BCAS3: variants seen among roughly 807,000 people sequenced by gnomAD.
BCAS3 encodes BCAS3 microtubule associated cell migration factor.
A neutral mutation model predicts 116.1 loss-of-function variants in BCAS3; 53 were observed. The observed-to-expected ratio is 0.46, with a 90% CI of 0.37 to 0.57. The LOEUF is 0.57. Among genes scored for constraint, BCAS3 ranks in the 20% least tolerant of loss-of-function variants. BCAS3 has a pLI of 0.00. For synonymous variants in BCAS3, 391 were observed against 408.2 expected, an observed-to-expected ratio of 0.96 and a Z score of 0.51; for missense variants, 917 against 1,165.4, an observed-to-expected ratio of 0.79 and a Z score of 3.10.
intron 16 of BCAS3, 100 bp downstream of exon 16, chr17:61,016,001 T>A (rs1306098085): frequency 7.9e-7 from 1 of 1,270,262 alleles, no homozygotes; most frequent in Non-Finnish European, 1.1e-6. Context: ...TATTATGTTC[T>A]TCATTTCCAG....
intron 14 of BCAS3, among the ~76,000 whole-genome samples, chr17:60,984,941 CAG>C (rs2063034859): frequency 7.3e-6 from 1 of 136,378 alleles, no homozygotes; most frequent in African/African-American, 2.8e-5. Flanking sequence ...ACCCAGGAGA[CAG>C]AGGTTGCAGT....
intron 10 of BCAS3, among the ~76,000 whole-genome samples, chr17:60,892,311 TA>T (rs541698957): frequency 6.5e-4 from 96 of 148,822 alleles, no homozygotes; most frequent in Admixed American, 3.7e-3. Flanking sequence ...GTTTTTGACT[TA>T]TTTTTTTTTT....
Position 60,910,667 on chromosome 17 carries a change from A to G in BCAS3, c.958A>G (p.Thr320Ala), listed in dbSNP as rs372546756. 1.9e-6 allele frequency: 3 copies of G among 1,610,726 alleles called. No individual in the cohort carries two copies. The highest frequency in any genetic ancestry group is 1.7e-6 in the Non-Finnish European group (2 of 1,178,488). The change falls in exon 12 of 24, where the codon ACA (threonine) becomes GCA (alanine). Residue 320 changes from threonine to alanine, a missense_variant. Physicochemically the swap from Thr to Ala is moderately conservative, Grantham distance 58. Around this residue, in one of 3 missense-constraint regions of BCAS3, gnomAD observed 807 missense variants for 1,026.0 expected, o/e 0.79. Coordinates refer to ENST00000407086, the MANE Select transcript of BCAS3 (RefSeq NM_017679.5). ...GAGTCCTTTGGTCCCAGGCATCATCACAGTTATTGACACCGAAACCGTTGG... is the reference window on the plus strand; with the variant it reads ...GAGTCCTTTGGTCCCAGGCATCATCGCAGTTATTGACACCGAAACCGTTGG... ...RRSPLVPGII[T>A]VIDTETVGEG...
At chr17:60,977,306 A>G (rs562120335) in intron 14 of BCAS3, among the ~76,000 whole-genome samples, 37 of 152,040 alleles carry the variant, frequency 2.4e-4, no homozygotes, top group Non-Finnish European at 4.3e-4. Context: ...CAGCCTCCCA[A>G]GTGATTGGGA....
rs1338445046 is a variant in BCAS3 at position 61,363,382 on chromosome 17, T to C, written c.2426-4945T>C. On this transcript the variant is annotated intron_variant, in intron 22 of 23. Transcript: ENST00000407086. This position sits in a 1 kb window ranked among gnomAD's most constrained non-coding sequence, Gnocchi z 4.9. ...ACTTGAACTCATTCTTAGAAAATAG[T>C]ATTCAGGGCAGGAGGCAGCCCTGAA... Among the ~76,000 whole-genome samples, 1 of 152,106 alleles carries C rather than the reference T, an allele frequency of 6.6e-6. No homozygotes were observed. Among genetic ancestry groups the C allele is most frequent in the African/African-American group, 2.4e-5 (1 of 41,412 alleles).
chr17:61,092,359 A>G (rs976330370), intron 22 of BCAS3, among the ~76,000 whole-genome samples: 3 of 152,164 alleles, frequency 2.0e-5, no homozygotes, highest in Non-Finnish European at 4.4e-5. Context: ...TCTCGTCAAC[A>G]TATGCATACA....
chr17:61,308,445 G>A (rs2054029349), intron 22 of BCAS3, among the ~76,000 whole-genome samples: 1 of 150,430 alleles, frequency 6.6e-6, no homozygotes, highest in South Asian at 2.1e-4. Context: ...TGGGTCTTGG[G>A]TCAAAGGAGG....
Position 61,392,236 on chromosome 17 carries a change from C to T in BCAS3, c.*111C>T, listed in dbSNP as rs1312612723. On this transcript the variant is annotated 3_prime_UTR_variant, in exon 24 of 24. Transcript: ENST00000407086. This position sits in a 1 kb window ranked among gnomAD's most constrained non-coding sequence, Gnocchi z 6.4. ...CTGCTCTTCCTTCATCAACCACCTT[C>T]CCCAAGCTTAGTGACAGCAGCCGCC... 1 of 1,333,974 alleles carries T rather than the reference C, an allele frequency of 7.5e-7. No individual in the cohort carries two copies. Among genetic ancestry groups the T allele is most frequent in the African/African-American group, 1.5e-5 (1 of 68,176 alleles). 82.6% of individuals were successfully genotyped at this position (1,333,974 alleles called of 1,614,324 possible). A position where few individuals can be genotyped will look rare whatever the true frequency, so the allele number is the denominator to read the frequency against.
rs950070072 is a variant in BCAS3 at position 61,258,340 on chromosome 17, A to T, written c.2426-109987A>T. ...AGGGGTTGTTACTTCGTGCCTTTAG[A>T]TATCCACCATAATGTGTAGCGTAGT... On this transcript the variant is annotated intron_variant, in intron 22 of 23. Transcript: ENST00000407086. The surrounding 1 kb of genome is among the most constrained non-coding windows in gnomAD (Gnocchi z 4.7). 6.6e-6 allele frequency among the ~76,000 whole-genome samples: 1 copy of T among 152,200 alleles called. No homozygotes were observed. The highest frequency in any genetic ancestry group is 2.4e-5 in the African/African-American group (1 of 41,444).
chr17:61,068,641 C>T lies in BCAS3; in HGVS notation c.2030-6279C>T, dbSNP rs2070985301. 6.6e-6 allele frequency among the ~76,000 whole-genome samples: 1 copy of T among 152,330 alleles called. No individual in the cohort carries two copies. The highest frequency in any genetic ancestry group is 1.9e-4 in the East Asian group (1 of 5,190). On this transcript the variant is annotated intron_variant, in intron 19 of 23. Coordinates refer to ENST00000407086, the MANE Select transcript of BCAS3 (RefSeq NM_017679.5). This position sits in a 1 kb window ranked among gnomAD's most constrained non-coding sequence, Gnocchi z 4.3. The stretch of plus-strand genomic sequence containing the variant: ...TTGTACCATGTGGGATCTCTTGCCA[C>T]TTCCCTTAACTCTGCCCAAGATTGA...
At chr17:61,389,604 G>T (rs1489858692) in intron 23 of BCAS3, 1 of 152,378 alleles carries the variant, frequency 6.6e-6, no homozygotes, top group Non-Finnish European at 1.5e-5. Flanking sequence ...CAGAGCCTTG[G>T]TTACCTTACC....
At chr17:61,295,315 A>G (rs2052786770) in intron 22 of BCAS3, among the ~76,000 whole-genome samples, 1 of 152,210 alleles carries the variant, frequency 6.6e-6, no homozygotes, top group Non-Finnish European at 1.5e-5. Context: ...GTTTATAAGG[A>G]GCAGGTGATA....
intron 22 of BCAS3, among the ~76,000 whole-genome samples, chr17:61,257,265 C>CA (rs1371762393): frequency 2.0e-5 from 3 of 151,966 alleles, no homozygotes; most frequent in Non-Finnish European, 4.4e-5. Context: ...ACTAATAATA[C>CA]AAAAATTAGC....
chr17:60,689,758 A>C lies in BCAS3; in HGVS notation c.211A>C (p.Asn71His), dbSNP rs771374863. The C allele has an allele frequency of 2.5e-6, 4 of 1,598,510 alleles. No homozygotes were observed. In the Admixed American group the frequency reaches 6.7e-5, roughly 27 times the overall value. ...VWVRFENADL[N>H]DTSRNLEFHE... ...GGTCAGATTTGAAAATGCAGATTTAAATGGTATGGTTTTAACTTTTTTTGG... is the reference window on the plus strand; with the variant it reads ...GGTCAGATTTGAAAATGCAGATTTACATGGTATGGTTTTAACTTTTTTTGG... Residue 71 changes from asparagine (N) to histidine (H), a missense_variant, in exon 4 of 24, where the codon AAT (asparagine) becomes CAT (histidine). Asn to His is a moderately conservative substitution (Grantham distance 68). Around this residue, in one of 3 missense-constraint regions of BCAS3, gnomAD observed 807 missense variants for 1,026.0 expected, o/e 0.79. Transcript: ENST00000407086.
intron 7 of BCAS3, chr17:60,851,510 G>C (rs1599157373): frequency 1.7e-6 from 1 of 589,950 alleles, no homozygotes; most frequent in African/African-American, 1.9e-5. Flanking sequence ...CAGCAGCAAA[G>C]CATTGAAACC....
chr17:60,704,709 G>A (rs112453927), intron 4 of BCAS3, among the ~76,000 whole-genome samples: 10,611 of 151,432 alleles, frequency 0.07, 1,239 homozygotes, highest in African/African-American at 0.24. Flanking sequence ...ATGGTGGTGC[G>A]TGCCTATAAT....
chr17:60,700,881 T>A (rs189757510), intron 4 of BCAS3, among the ~76,000 whole-genome samples: 41 of 152,192 alleles, frequency 2.7e-4, no homozygotes, highest in African/African-American at 9.6e-4. Context: ...CTGAAGTGGG[T>A]TTGGGGTAAA....
At chr17:60,897,145 T>C (rs567357835) in intron 10 of BCAS3, among the ~76,000 whole-genome samples, 1 of 152,204 alleles carries the variant, frequency 6.6e-6, no homozygotes, top group South Asian at 2.1e-4. Flanking sequence ...AAAAATGTCA[T>C]TTCTCCTTCA....
intron 3 of BCAS3, among the ~76,000 whole-genome samples, chr17:60,686,205 G>C (rs1053690826): frequency 1.3e-5 from 2 of 152,136 alleles, no homozygotes; most frequent in Admixed American, 6.6e-5. Flanking sequence ...GTTGACATGA[G>C]AACAGTGCTT....
Sources: gnomAD v4.1 joint callset for allele counts (sites outside exome capture counted in the v4.1 genomes callset) on GRCh38, gnomAD v4.1.1 for gene constraint, gnomAD v4.1.1 regional missense constraint, Gnocchi (gnomAD v3.1) non-coding constraint, MANE v1.5 for transcripts, NCBI Gene and HGNC (gene_info 2026-07-23, HGNC 2026-07-21) for gene names.